NR2F1-AS1: variants seen among roughly 807,000 people sequenced by gnomAD.
The protein encoded by NR2F1-AS1 is NR2F1 regulatory antisense RNA 1, also known as NR2F1 antisense RNA 1.
intron 1 of NR2F1-AS1, among the ~76,000 whole-genome samples, chr5:93,567,959 G>A (rs1379439501): frequency 6.6e-6 from 1 of 152,144 alleles, no homozygotes; most frequent in Non-Finnish European, 1.5e-5. Context: ...CAACTACAAA[G>A]TGTTATACAT....
intron 4 of NR2F1-AS1, among the ~76,000 whole-genome samples, chr5:93,447,043 A>C (rs1317383909): frequency 6.6e-6 from 1 of 152,224 alleles, no homozygotes; most frequent in Non-Finnish European, 1.5e-5. Flanking sequence ...ATCTTATACA[A>C]AAATTAATTC....
intron 4 of NR2F1-AS1, among the ~76,000 whole-genome samples, chr5:93,470,331 C>T (rs1292950073): frequency 6.6e-6 from 1 of 151,766 alleles, no homozygotes; most frequent in Non-Finnish European, 1.5e-5. Context: ...TATCTACATA[C>T]TATAATAAAA....
upstream of NR2F1-AS1, chr5:93,580,792 A>G (rs1280016240): frequency 6.6e-6 from 1 of 152,156 alleles, no homozygotes; most frequent in East Asian, 1.9e-4. Context: ...CTTTTAACTG[A>G]CCAGAAGACG....
chr5:93,538,183 A>G (rs1427246257), intron 4 of NR2F1-AS1, among the ~76,000 whole-genome samples: 1 of 152,188 alleles, frequency 6.6e-6, no homozygotes, highest in African/African-American at 2.4e-5. Context: ...TTTAAATTAA[A>G]AAGTCATGGC....
At chr5:93,545,675 T>C (rs1020223955) in intron 4 of NR2F1-AS1, among the ~76,000 whole-genome samples, 2 of 152,254 alleles carry the variant, frequency 1.3e-5, no homozygotes, top group Non-Finnish European at 2.9e-5. Flanking sequence ...ACATTAGTCA[T>C]TTTTTGGCCC....
chr5:93,495,643 AC>A, intron 4 of NR2F1-AS1, among the ~76,000 whole-genome samples: 1 of 152,198 alleles, frequency 6.6e-6, no homozygotes, highest in African/African-American at 2.4e-5. Context: ...AAAAAATTGG[AC>A]CTCAAAGTTT....
At chr5:93,549,955 G>A (rs995553513) in intron 4 of NR2F1-AS1, among the ~76,000 whole-genome samples, 4 of 151,926 alleles carry the variant, frequency 2.6e-5, no homozygotes, top group African/African-American at 9.7e-5. Context: ...CATACACCGG[G>A]GCCCTGTCGA....
chr5:93,571,935 C>T (rs1252796041), intron 1 of NR2F1-AS1, among the ~76,000 whole-genome samples: 1 of 151,964 alleles, frequency 6.6e-6, no homozygotes, highest in Non-Finnish European at 1.5e-5. Context: ...ACTTATTTGA[C>T]CCTCTAGAGA....
chr5:93,484,934 C>T (rs1197973309), intron 4 of NR2F1-AS1, among the ~76,000 whole-genome samples: 1 of 152,098 alleles, frequency 6.6e-6, no homozygotes, highest in Non-Finnish European at 1.5e-5. Flanking sequence ...TATATATGCA[C>T]CCAATACAGG....
chr5:93,537,142 G>A (rs941919724), intron 4 of NR2F1-AS1, among the ~76,000 whole-genome samples: 1 of 152,118 alleles, frequency 6.6e-6, no homozygotes, highest in Non-Finnish European at 1.5e-5. Context: ...CACTCATCAT[G>A]TACAAAAATC....
At chr5:93,539,152 C>T (rs375825389) in intron 4 of NR2F1-AS1, among the ~76,000 whole-genome samples, 228 of 152,190 alleles carry the variant, frequency 1.5e-3, no homozygotes, top group African/African-American at 4.3e-3. Context: ...GTGGTGTGAG[C>T]CTGTAATCCC....
At chr5:93,523,430 G>A (rs986341475) in intron 4 of NR2F1-AS1, among the ~76,000 whole-genome samples, 1 of 152,170 alleles carries the variant, frequency 6.6e-6, no homozygotes, top group Admixed American at 6.5e-5. Context: ...AGCTTCAGCA[G>A]ACTTAAACAT....
intron 4 of NR2F1-AS1, among the ~76,000 whole-genome samples, chr5:93,499,165 TACATCC>T (rs1283606072): frequency 6.6e-6 from 1 of 152,208 alleles, no homozygotes; most frequent in African/African-American, 2.4e-5. Flanking sequence ...AATTATAAGA[TACATCC>T]TTTAAAATTG....
intron 4 of NR2F1-AS1, among the ~76,000 whole-genome samples, chr5:93,515,709 T>TTGGGC (rs1398078003): frequency 6.6e-6 from 1 of 151,848 alleles, no homozygotes; most frequent in Non-Finnish European, 1.5e-5. Flanking sequence ...TTTCAGAAAA[T>TTGGGC]CTTTCCTGTC....
At chr5:93,524,220 C>A (rs1223513612) in intron 4 of NR2F1-AS1, among the ~76,000 whole-genome samples, 3 of 151,616 alleles carry the variant, frequency 2.0e-5, no homozygotes, top group Non-Finnish European at 2.9e-5. Flanking sequence ...ACACAAGCAT[C>A]AAAAGCCAAA....
chr5:93,459,392 A>G (rs1429120765), intron 4 of NR2F1-AS1, among the ~76,000 whole-genome samples: 1 of 152,196 alleles, frequency 6.6e-6, no homozygotes, highest in Non-Finnish European at 1.5e-5. Context: ...TAGTCATAAT[A>G]TATCCACTAA....
At chr5:93,582,807 T>C (rs1053605628), upstream of NR2F1-AS1, among the ~76,000 whole-genome samples, 5 of 151,930 alleles carry the variant, frequency 3.3e-5, no homozygotes, top group Non-Finnish European at 5.9e-5. Context: ...TGTGTGACCA[T>C]AGACGACCCA....
At chr5:93,566,316 CAT>C (rs1752616723) in intron 1 of NR2F1-AS1, among the ~76,000 whole-genome samples, 1 of 151,954 alleles carries the variant, frequency 6.6e-6, no homozygotes, top group Non-Finnish European at 1.5e-5. Flanking sequence ...GCTGATATTG[CAT>C]AGACTACTAC....
upstream of NR2F1-AS1, chr5:93,583,787 C>G (rs968701811): frequency 2.6e-5 from 4 of 152,248 alleles, no homozygotes; most frequent in Non-Finnish European, 4.4e-5. Context: ...CTTTGGATGT[C>G]TCTCTCGCTT....
Sources: allele counts gnomAD v4.1 joint callset (sites outside exome capture counted in the v4.1 genomes callset), GRCh38; gene constraint gnomAD v4.1.1; transcripts MANE v1.5; gene names NCBI Gene and HGNC (gene_info 2026-07-23, HGNC 2026-07-21).